Variants in RASA1 observed in about 807,000 individuals in gnomAD.
RASA1 encodes RAS p21 protein activator 1.
Under a neutral mutation model 132.2 loss-of-function variants are expected in RASA1, and 25 were observed. The ratio of observed to expected loss-of-function variants is 0.19; its 90% CI spans 0.14 to 0.26. The LOEUF (loss-of-function observed/expected upper bound fraction) is 0.26, where lower values mean the gene tolerates loss of function less well. Ranked by LOEUF, RASA1 falls within the 10% of genes least tolerant of loss-of-function variation. The probability of loss-of-function intolerance (pLI) is 1.00; values close to 1 mark genes in which losing one functional copy is unlikely to be tolerated. For synonymous variants in RASA1, 477 were observed against 449.9 expected (o/e 1.06, Z -0.76); for missense variants, 964 against 1,299.2 (o/e 0.74, Z 3.97).
chr5:87,304,385 C>T (rs1755512235), intron 1 of RASA1, among the ~76,000 whole-genome samples: 1 of 152,066 alleles, frequency 6.6e-6, no homozygotes, highest in African/African-American at 2.4e-5. Flanking sequence ...TTTACTATTT[C>T]CCTAACAATT....
chr5:87,275,012 A>T (rs2112234914), intron 1 of RASA1, among the ~76,000 whole-genome samples: 1 of 152,332 alleles, frequency 6.6e-6, no homozygotes, highest in South Asian at 2.1e-4. Flanking sequence ...ATCATTGATT[A>T]GCCACTCTGG....
At chr5:87,354,724 A>G (rs977353141) in intron 9 of RASA1, among the ~76,000 whole-genome samples, 3 of 152,190 alleles carry the variant, frequency 2.0e-5, no homozygotes, top group East Asian at 1.9e-4. Context: ...GTGAAAGCCA[A>G]AATAGGCTGA....
chr5:87,386,283 G>C (rs1762056618), intron 22 of RASA1, among the ~76,000 whole-genome samples: 1 of 151,932 alleles, frequency 6.6e-6, no homozygotes, highest in Non-Finnish European at 1.5e-5. Context: ...CCTATTTATA[G>C]CATGGTTTTA....
At chr5:87,371,335 A>T (rs1166540740) in intron 12 of RASA1, among the ~76,000 whole-genome samples, 1 of 152,132 alleles carries the variant, frequency 6.6e-6, no homozygotes, top group Non-Finnish European at 1.5e-5. Context: ...ATATAAAGAC[A>T]GTCTCTAGAT....
At chr5:87,362,315 AGTT>A (rs1377721297) in intron 9 of RASA1, among the ~76,000 whole-genome samples, 4 of 152,174 alleles carry the variant, frequency 2.6e-5, no homozygotes, top group African/African-American at 7.2e-5. Context: ...ACAACTTATT[AGTT>A]GTTCTTGGGA....
chr5:87,380,276 A>G (rs555308836), intron 19 of RASA1, among the ~76,000 whole-genome samples: 13 of 152,282 alleles, frequency 8.5e-5, no homozygotes, highest in East Asian at 7.7e-4. Context: ...TTGGTTCTCT[A>G]TATCTGAAAG....
At position 87,390,940 on chromosome 5, in the gene RASA1, TCA is replaced by T; in HGVS notation, c.*58_*59del. 1 of 1,506,720 alleles carries T rather than the reference TCA, an allele frequency of 6.6e-7. No individual in the cohort carries two copies. Among genetic ancestry groups the T allele is most frequent in the African/African-American group, 1.4e-5 (1 of 72,494 alleles). 93.3% of individuals were successfully genotyped at this position (1,506,720 alleles called of 1,614,324 possible). On this transcript the variant is annotated 3_prime_UTR_variant, in exon 25 of 25. Transcript: ENST00000274376. Reference sequence around the variant, plus strand: ...AGCATGTCCAACATGGTAATTCACTTCAGTTTAATGTCTCCTTTGCTCTTGCC... The same window carrying T: ...AGCATGTCCAACATGGTAATTCACTTGTTTAATGTCTCCTTTGCTCTTGCC...
At chr5:87,345,510 C>T (rs1205306914) in intron 6 of RASA1, among the ~76,000 whole-genome samples, 4 of 152,096 alleles carry the variant, frequency 2.6e-5, no homozygotes. Flanking sequence ...AACCTCACTA[C>T]TTGTAGTCTG....
At chr5:87,345,149 G>A (rs1408761997) in intron 6 of RASA1, among the ~76,000 whole-genome samples, 1 of 152,072 alleles carries the variant, frequency 6.6e-6, no homozygotes, top group East Asian at 1.9e-4. Flanking sequence ...TGGCCTAGGA[G>A]TAGGAACTTT....
intron 1 of RASA1, among the ~76,000 whole-genome samples, chr5:87,290,636 T>C (rs1375669557): frequency 6.6e-6 from 1 of 152,216 alleles, no homozygotes; most frequent in Non-Finnish European, 1.5e-5. Flanking sequence ...CTGTTTATTT[T>C]GTCTGTTCAT....
intron 12 of RASA1, among the ~76,000 whole-genome samples, chr5:87,371,383 C>G (rs987404252): frequency 6.7e-6 from 1 of 150,330 alleles, no homozygotes; most frequent in African/African-American, 2.4e-5. Context: ...AGCCAACAAA[C>G]TAAAGACATA....
chr5:87,327,379 A>T (rs925112364), intron 1 of RASA1, among the ~76,000 whole-genome samples: 7 of 152,206 alleles, frequency 4.6e-5, no homozygotes, highest in Non-Finnish European at 1.0e-4. Flanking sequence ...AATTTAGTAC[A>T]AGTCATTAAT....
rs770005712 is a variant in RASA1, at chr5:87,386,886, T to C, written c.2908T>C (p.Phe970Leu). The C allele has an allele frequency of 1.2e-6, 2 of 1,611,982 alleles. No individual in the cohort carries two copies. Among genetic ancestry groups the C allele is most frequent in the South Asian group, 2.2e-5 (2 of 91,024 alleles). The part of the protein sequence containing the change: ...IKSNKHRMIM[F>L]LDELGNVPEL... ...AAGCAACAAACATCGTATGATCATG[T>C]TTTTAGATGAACTTGGGGTATGTAT... Residue 970 changes from phenylalanine to leucine, a missense_variant, in exon 23 of 25, where the codon TTT becomes CTT. Physicochemically the swap from Phe to Leu is conservative, Grantham distance 22. This residue lies in a region of RASA1 where 107 missense variants were observed against 163.8 expected (regional missense o/e 0.65). Transcript: ENST00000274376.
intron 12 of RASA1, 63 bp from the exon 13 acceptor site, chr5:87,372,055 C>G: frequency 7.4e-7 from 1 of 1,350,726 alleles, no homozygotes; most frequent in Non-Finnish European, 1.0e-6. Context: ...AAAAACCTAA[C>G]TGATGATTTG....
intron 1 of RASA1, among the ~76,000 whole-genome samples, chr5:87,322,442 C>T (rs1172367294): frequency 6.6e-6 from 1 of 152,180 alleles, no homozygotes; most frequent in African/African-American, 2.4e-5. Context: ...AATCATCTTC[C>T]CTGACCCCTT....
At chr5:87,306,379 A>G (rs1580222601) in intron 1 of RASA1, among the ~76,000 whole-genome samples, 1 of 152,220 alleles carries the variant, frequency 6.6e-6, no homozygotes. Context: ...AGAAAAGTCA[A>G]ATACTGCATG....
intron 1 of RASA1, among the ~76,000 whole-genome samples, chr5:87,317,791 A>G (rs554095863): frequency 2.2e-4 from 33 of 151,732 alleles, no homozygotes; most frequent in African/African-American, 7.7e-4. Flanking sequence ...GCATACCACC[A>G]CACTCAGCTA....
intron 1 of RASA1, among the ~76,000 whole-genome samples, chr5:87,322,031 C>T (rs560985951): frequency 3.9e-5 from 6 of 152,030 alleles, no homozygotes; most frequent in Non-Finnish European, 7.4e-5. Flanking sequence ...CTCCAAATCT[C>T]GTATTTAATG....
At chr5:87,351,469 A>T (rs1759271050) in intron 8 of RASA1, among the ~76,000 whole-genome samples, 1 of 151,694 alleles carries the variant, frequency 6.6e-6, no homozygotes, top group African/African-American at 2.4e-5. Context: ...GACAATATTA[A>T]CATTTATCTA....
Sources: allele counts gnomAD v4.1 joint callset (sites outside exome capture counted in the v4.1 genomes callset), GRCh38; gene constraint gnomAD v4.1.1; regional missense constraint gnomAD v4.1.1; transcripts MANE v1.5; gene names NCBI Gene and HGNC (gene_info 2026-07-23, HGNC 2026-07-21).